The following MBOAT4 variants were observed in gnomAD, a reference collection of about 807,000 sequenced individuals.
MBOAT4 encodes the protein membrane bound ghrelin O-acyltransferase MBOAT4.
MBOAT4 carries 11 observed loss-of-function variants against 13.2 expected under a neutral mutation model. The ratio of observed to expected loss-of-function variants is 0.84; its 90% CI spans 0.53 to 1.38. The LOEUF is 1.38. Among genes scored for constraint, MBOAT4 ranks in the 40% most tolerant of loss-of-function variants. The probability of loss-of-function intolerance (pLI) is 0.00; values close to 1 mark genes in which losing one functional copy is unlikely to be tolerated. For synonymous variants in MBOAT4, 202 were observed against 210.3 expected (o/e 0.96, Z 0.34); for missense variants, 481 against 527.2 (o/e 0.91, Z 0.86).
rs144819499 is a variant in MBOAT4, at chr8:30,132,068, G to A, written c.1183C>T (p.Leu395=). The A allele has an allele frequency of 3.0e-5, 46 of 1,551,802 alleles. No individual in the cohort carries two copies. The highest frequency in any genetic ancestry group is 3.3e-4 in the Middle Eastern group (2 of 5,992). Residue 395 remains leucine (L), a synonymous_variant, in exon 3 of 3, where the codon CTG becomes TTG. Transcript: ENST00000320542. ...GAGAGACTCCTGACCTCCACAGCCA[G>A]CATGATGTAGGCAATGATCAACTGG... The part of the protein sequence containing the change: ...HTQLIIAYIM[L]AVEVRSLSSL...
chr8:30,132,381 G>T lies in MBOAT4; in HGVS notation c.870C>A (p.Ile290=). The change falls in exon 3 of 3, where the codon ATC becomes ATA. Residue 290 remains isoleucine (I), a synonymous_variant. Coordinates refer to ENST00000320542, the MANE Select transcript of MBOAT4 (RefSeq NM_001100916.2). ...TCCTGTGGGTTCTTTCCAGGGTCCA[G>T]ATGTCTGCATCGGGGACATATCCCT... ...GEEGYVPDAD[I]WTLERTHRIS... 1 of 1,551,770 alleles carries T rather than the reference G, an allele frequency of 6.4e-7. No individual in the cohort carries two copies. The highest frequency in any genetic ancestry group is 8.7e-7 in the Non-Finnish European group (1 of 1,147,020).
At chr8:30,142,922 C>T (rs1803285511) in intron 1 of MBOAT4, among the ~76,000 whole-genome samples, 1 of 152,142 alleles carries the variant, frequency 6.6e-6, no homozygotes, top group Non-Finnish European at 1.5e-5. Context: ...TATAAAAATC[C>T]TAATTCCCAA....
At position 30,144,554 on chromosome 8, in the gene MBOAT4, C is replaced by G; in HGVS notation, c.48G>C (p.Gln16His). ...GAAGTGCAAAGGGAAATGCAGCCCC[C>G]TGGTAAAACGATATAGGATGGAGAA... ...LFFLHPISFYQGAAFPFALLF... is the reference protein window; with the variant it reads ...LFFLHPISFYHGAAFPFALLF... The change falls in exon 1 of 3, where the codon CAG becomes CAC. Residue 16 changes from glutamine to histidine, a missense_variant. Gln to His is a conservative substitution (Grantham distance 24). Transcript: ENST00000320542. 6.4e-7 allele frequency: 1 copy of G among 1,551,572 alleles called. No individual in the cohort carries two copies. Among genetic ancestry groups the G allele is most frequent in the South Asian group, 1.2e-5 (1 of 84,060 alleles).
chr8:30,138,476 C>T (rs1803194657), intron 2 of MBOAT4, 56 bp downstream of exon 2: 7 of 1,408,042 alleles, frequency 5.0e-6, no homozygotes, highest in East Asian at 2.5e-5. Context: ...CTGCTACCAC[C>T]GTGGTGCAAG....
rs760001524 is a variant in MBOAT4, at chr8:30,132,433, G to C, written c.818C>G (p.Pro273Arg). Residue 273 changes from proline (P) to arginine (R), a missense_variant, in exon 3 of 3, where the codon CCT becomes CGT. Pro to Arg is a moderately radical substitution (Grantham distance 103). Transcript: ENST00000320542. The part of the protein sequence containing the change: ...DSLLHAAGFG[P>R]ELGQSPGEEG... The stretch of plus-strand genomic sequence containing the variant: ...CTCTCCAGGGCTCTGACCAAGCTCA[G>C]GCCCAAAGCCCGCTGCGTGGAGGAG... The C allele has an allele frequency of 6.4e-7, 1 of 1,551,740 alleles. No homozygotes were observed. The highest frequency in any genetic ancestry group is 1.2e-5 in the South Asian group (1 of 84,064).
In MBOAT4 at chr8:30,132,363, G is replaced by A; in HGVS notation, c.888C>T (p.Thr296=). Residue 296 remains threonine (T), a synonymous_variant, in exon 3 of 3, where the codon ACC becomes ACT. Transcript: ENST00000320542. ...PDADIWTLER[T]HRISVFSRKW... ...TTCTTGAGAACACAGATATCCTGTG[G>A]GTTCTTTCCAGGGTCCAGATGTCTG... The A allele has an allele frequency of 6.4e-7, 1 of 1,551,744 alleles. No homozygotes were observed. The highest frequency in any genetic ancestry group is 1.2e-5 in the South Asian group (1 of 84,066).
intron 1 of MBOAT4, among the ~76,000 whole-genome samples, chr8:30,142,446 C>T (rs1431267383): frequency 6.6e-6 from 1 of 152,172 alleles, no homozygotes; most frequent in East Asian, 1.9e-4. Context: ...ACCTCAACCT[C>T]TTGGGCTCAA....
At chr8:30,133,788 C>CAA (rs11430475) in intron 2 of MBOAT4, among the ~76,000 whole-genome samples, 11,514 of 122,488 alleles carry the variant, frequency 0.094, 671 homozygotes, top group East Asian at 0.24. Flanking sequence ...GACCCTGTCT[C>CAA]AAAAAAAAAA....
intron 2 of MBOAT4, chr8:30,137,150 A>C: frequency 1.3e-6 from 1 of 776,526 alleles, no homozygotes; most frequent in Non-Finnish European, 2.1e-6. Context: ...TGATCACCAG[A>C]GAGAGCCAGG....
rs916337425 is a variant in MBOAT4, at chr8:30,138,697, G to C, written c.179C>G (p.Ala60Gly). Reference protein sequence around the residue: ...ALAVAAMGSYAVLVFTPAVCA... With the variant: ...ALAVAAMGSYGVLVFTPAVCA... ...GACAGCAGGGGTGAAGACGAGCACG[G>C]CGTAGGAACCCATGGCAGCCACGGC... Residue 60 changes from alanine to glycine, a missense_variant, in exon 2 of 3, where the codon GCC becomes GGC. Coordinates refer to ENST00000320542, the MANE Select transcript of MBOAT4 (RefSeq NM_001100916.2). 1.9e-6 allele frequency: 3 copies of C among 1,550,658 alleles called. No homozygotes were observed. The highest frequency in any genetic ancestry group is 2.0e-5 in the Admixed American group (1 of 50,990).
intron 1 of MBOAT4, among the ~76,000 whole-genome samples, chr8:30,139,016 C>A (rs377061164): frequency 2.0e-5 from 3 of 151,266 alleles, no homozygotes; most frequent in African/African-American, 7.3e-5. Context: ...CTCTGTCACC[C>A]AGGGTGAGTA....
At chr8:30,141,850 G>C (rs1029844895) in intron 1 of MBOAT4, among the ~76,000 whole-genome samples, 1 of 151,990 alleles carries the variant, frequency 6.6e-6, no homozygotes, top group African/African-American at 2.4e-5. Context: ...TTTTTCCTTG[G>C]GGGAGAGCGT....
intron 1 of MBOAT4, among the ~76,000 whole-genome samples, chr8:30,141,125 G>A (rs909133836): frequency 2.0e-5 from 3 of 152,120 alleles, no homozygotes; most frequent in Non-Finnish European, 4.4e-5. Flanking sequence ...ACAGGCATGA[G>A]CCAGGGTGCC....
rs761141718 is a variant in MBOAT4, at chr8:30,131,900, A to G, written c.*43T>C. The stretch of plus-strand genomic sequence containing the variant: ...ATCGATGCGTCATCTGGCACTTTCT[A>G]AAATGTTTCCTGGGTGTTTAAGGTG... On this transcript the variant is annotated 3_prime_UTR_variant, in exon 3 of 3. Coordinates refer to ENST00000320542, the MANE Select transcript of MBOAT4 (RefSeq NM_001100916.2). 2.0e-6 allele frequency: 3 copies of G among 1,501,850 alleles called. No homozygotes were observed. The African/African-American group carries it at 4.2e-5, about 21-fold the overall frequency. 93.0% of individuals were successfully genotyped at this position (1,501,850 alleles called of 1,614,324 possible).
At chr8:30,134,975 A>G (rs905500332) in intron 2 of MBOAT4, among the ~76,000 whole-genome samples, 4 of 151,328 alleles carry the variant, frequency 2.6e-5, no homozygotes, top group African/African-American at 9.7e-5. Flanking sequence ...TGCCTCCCAG[A>G]CTCAAGTGAT....
In MBOAT4 at chr8:30,132,417, G is replaced by A; in HGVS notation, c.834C>T (p.Ser278=). Residue 278 remains serine, a synonymous_variant, in exon 3 of 3, where the codon AGC becomes AGT. Transcript: ENST00000320542. The stretch of plus-strand genomic sequence containing the variant: ...CGGGGACATATCCCTCCTCTCCAGG[G>A]CTCTGACCAAGCTCAGGCCCAAAGC... ...AAGFGPELGQ[S]PGEEGYVPDA... is the part of the protein sequence containing the mutation. 1 of 1,551,746 alleles carries A rather than the reference G, an allele frequency of 6.4e-7. No homozygotes were observed. Among genetic ancestry groups the A allele is most frequent in the Non-Finnish European group, 8.7e-7 (1 of 1,147,010 alleles).
chr8:30,135,312 T>C (rs933273304), intron 2 of MBOAT4, among the ~76,000 whole-genome samples: 9 of 152,190 alleles, frequency 5.9e-5, no homozygotes, highest in African/African-American at 2.2e-4. Flanking sequence ...AGGAACATTG[T>C]GGGAAATGTT....
chr8:30,132,719 C>T lies in MBOAT4; in HGVS notation c.532G>A (p.Gly178Ser), dbSNP rs146920710. Reference protein sequence around the residue: ...YLLFFPALLGGSLCSFQRFQA... With the variant: ...YLLFFPALLGSSLCSFQRFQA... ...AATCGCTGGAAGGAGCACAGAGAGC[C>T]TCCCAGGAGAGCAGGGAAAAAGAGC... The change falls in exon 3 of 3, where the codon GGC (glycine) becomes AGC (serine). Residue 178 changes from glycine (G) to serine (S), a missense_variant. By Grantham distance (56) the Gly-to-Ser change is moderately conservative. Transcript: ENST00000320542. 8 of 1,551,652 alleles carry T rather than the reference C, an allele frequency of 5.2e-6. No homozygotes were observed. The African/African-American group carries it at 9.6e-5, about 19-fold the overall frequency.
chr8:30,143,992 G>A (rs566225304), intron 1 of MBOAT4, among the ~76,000 whole-genome samples: 1 of 152,282 alleles, frequency 6.6e-6, no homozygotes, highest in South Asian at 2.1e-4. Context: ...TGAATTTCCA[G>A]TTTAGTTTTA....
Sources: allele counts gnomAD v4.1 joint callset (sites outside exome capture counted in the v4.1 genomes callset), GRCh38; gene constraint gnomAD v4.1.1; transcripts MANE v1.5; gene names NCBI Gene and HGNC (gene_info 2026-07-23, HGNC 2026-07-21).